COBL: variants seen among roughly 807,000 people sequenced by gnomAD.
The protein encoded by COBL is cordon-bleu WH2 repeat protein.
Under a neutral mutation model 98.8 loss-of-function variants are expected in COBL, and 51 were observed. The ratio of observed to expected loss-of-function variants is 0.52; its 90% CI spans 0.41 to 0.65. The LOEUF (loss-of-function observed/expected upper bound fraction) is 0.65, where lower values mean the gene tolerates loss of function less well. Ranked by LOEUF, COBL falls within the 30% of genes least tolerant of loss-of-function variation. The pLI, the probability that COBL is intolerant of heterozygous loss-of-function variation, is 0.00. For synonymous variants in COBL, 634 were observed against 651.7 expected, an observed-to-expected ratio of 0.97 and a Z score of 0.41; for missense variants, 1,617 against 1,617.5, an observed-to-expected ratio of 1.00 and a Z score of 0.01.
At chr7:51,295,565 T>C (rs140252750) in intron 1 of COBL, among the ~76,000 whole-genome samples, 1 of 152,240 alleles carries the variant, frequency 6.6e-6, no homozygotes, top group East Asian at 1.9e-4. Flanking sequence ...ACAACTACTT[T>C]GCAAGGATTG....
At chr7:51,057,785 G>A (rs2128906156) in intron 7 of COBL, among the ~76,000 whole-genome samples, 1 of 152,184 alleles carries the variant, frequency 6.6e-6, no homozygotes, top group East Asian at 1.9e-4. Context: ...TGAGATGCTG[G>A]GGCTCCAGCC....
At chr7:51,073,425 T>G (rs529807680) in intron 7 of COBL, 41 of 653,358 alleles carry the variant, frequency 6.3e-5, no homozygotes, top group Middle Eastern at 2.4e-4. Flanking sequence ...GAACGCACAC[T>G]TGCGGTGAAA....
chr7:51,311,484 T>C (rs773115556), intron 1 of COBL, among the ~76,000 whole-genome samples: 1 of 152,232 alleles, frequency 6.6e-6, no homozygotes, highest in African/African-American at 2.4e-5. Flanking sequence ...CTTGAAAGTA[T>C]TGACCATCCT....
In COBL at chr7:51,140,955, T is replaced by C. The variant is rs924374481; in HGVS notation, c.784-4624A>G. On this transcript the variant is annotated intron_variant, in intron 5 of 12. Coordinates refer to ENST00000265136, the MANE Select transcript of COBL (RefSeq NM_015198.5). ...CCCTTTGCCAAAATTCTTGAAGATA[T>C]CCTCACAGAGCTGCCTCACGAGCAC... 1.3e-5 allele frequency among the ~76,000 whole-genome samples: 2 copies of C among 151,994 alleles called. 1 individual carries two copies. The highest frequency in any genetic ancestry group is 2.9e-5 in the Non-Finnish European group (2 of 67,990).
At chr7:51,286,284 A>G (rs1800351295) in intron 1 of COBL, among the ~76,000 whole-genome samples, 1 of 151,386 alleles carries the variant, frequency 6.6e-6, no homozygotes, top group African/African-American at 2.4e-5. Context: ...AAAATTTTCT[A>G]CTCTTCCAAA....
chr7:51,219,388 C>A (rs1027992071), intron 2 of COBL, among the ~76,000 whole-genome samples: 1 of 152,164 alleles, frequency 6.6e-6, no homozygotes, highest in Non-Finnish European at 1.5e-5. Context: ...CCCTTCAGAG[C>A]TGAGGATACC....
At chr7:51,257,084 G>C (rs1357986059) in intron 1 of COBL, among the ~76,000 whole-genome samples, 1 of 152,148 alleles carries the variant, frequency 6.6e-6, no homozygotes, top group Non-Finnish European at 1.5e-5. Context: ...ATGAGGCTCT[G>C]AGCTTCCTAG....
rs1787853044 is a variant in COBL, at chr7:51,171,289, A to AATCAGGT, written c.783+12806_783+12812dup. 2.6e-5 allele frequency among the ~76,000 whole-genome samples: 4 copies of AATCAGGT among 152,188 alleles called. No individual in the cohort carries two copies. The South Asian group carries it at 8.3e-4, about 31-fold the overall frequency. On this transcript the variant is annotated intron_variant, in intron 5 of 12. Transcript: ENST00000265136. ...TATTGACAAATTTGAAAGATAATCT[A>AATCAGGT]ATCAGGTATCATTCAAGGATCATCA... is the stretch of plus-strand genomic sequence containing the variant.
At chr7:51,058,076 A>G (rs1790945768) in intron 7 of COBL, among the ~76,000 whole-genome samples, 1 of 152,234 alleles carries the variant, frequency 6.6e-6, no homozygotes, top group South Asian at 2.1e-4. Flanking sequence ...TCCCCAAGAT[A>G]ACCATGGTTT....
intron 2 of COBL, among the ~76,000 whole-genome samples, chr7:51,219,342 A>G (rs896585836): frequency 6.6e-6 from 1 of 152,150 alleles, no homozygotes; most frequent in Admixed American, 6.5e-5. Flanking sequence ...TAGGTGTGGG[A>G]ATGGTTAATT....
intron 12 of COBL, chr7:51,022,730 G>A (rs1787063238): frequency 1.3e-5 from 2 of 152,110 alleles, no homozygotes; most frequent in Non-Finnish European, 2.9e-5. Context: ...AGATGGAGAG[G>A]GTAAAAGAAA....
intron 7 of COBL, among the ~76,000 whole-genome samples, chr7:51,076,712 G>A (rs909856686): frequency 6.6e-6 from 1 of 152,212 alleles, no homozygotes; most frequent in East Asian, 1.9e-4. Context: ...CCCTTGTTGG[G>A]GGGGGTTGCT....
chr7:51,040,267 A>AACACAC (rs557914598), intron 8 of COBL, among the ~76,000 whole-genome samples: 1 of 150,122 alleles, frequency 6.7e-6, no homozygotes. Context: ...TCCCCTCAAA[A>AACACAC]ACACACACAC....
At chr7:51,121,633 A>T (rs576868084) in intron 6 of COBL, among the ~76,000 whole-genome samples, 1 of 152,334 alleles carries the variant, frequency 6.6e-6, no homozygotes, top group African/African-American at 2.4e-5. Flanking sequence ...TAAGTTCAAG[A>T]CGAGATGGTG....
intron 7 of COBL, among the ~76,000 whole-genome samples, chr7:51,078,817 A>G (rs1017012359): frequency 2.2e-4 from 33 of 152,286 alleles, no homozygotes; most frequent in African/African-American, 7.5e-4. Flanking sequence ...TAGGCTCATG[A>G]TCAGTGGACA....
intron 7 of COBL, chr7:51,065,332 T>C (rs1791806547): frequency 4.3e-6 from 3 of 703,332 alleles, no homozygotes; most frequent in Non-Finnish European, 7.8e-6. Flanking sequence ...GATTTCAGGA[T>C]TGTGTAGAGA....
At chr7:51,098,536 G>A (rs1795519234) in intron 6 of COBL, among the ~76,000 whole-genome samples, 1 of 152,102 alleles carries the variant, frequency 6.6e-6, no homozygotes, top group African/African-American at 2.4e-5. Context: ...AACAAATGGT[G>A]TTTGGAAAAT....
intron 6 of COBL, among the ~76,000 whole-genome samples, chr7:51,091,040 C>T (rs981796374): frequency 9.9e-5 from 15 of 152,188 alleles, no homozygotes; most frequent in African/African-American, 3.4e-4. Context: ...GCTGAGCTGA[C>T]TGACATGTTA....
chr7:51,136,184 G>C lies in COBL; in HGVS notation c.931C>G (p.Pro311Ala), dbSNP rs1394388987. The C allele has an allele frequency of 1.9e-6, 3 of 1,612,468 alleles. No individual in the cohort carries two copies. Among genetic ancestry groups the C allele is most frequent in the African/African-American group, 1.3e-5 (1 of 74,846 alleles). The change falls in exon 6 of 13, where the codon CCT becomes GCT. Residue 311 changes from proline (P) to alanine (A), a missense_variant. Physicochemically the swap from Pro to Ala is conservative, Grantham distance 27 (BLOSUM62 -1). Transcript: ENST00000265136. ...TTTTCCGATGCCTTGTCTTGCACAG[G>C]TGGCCCTGAACCTGGAGGAGGAGGG... ...RAPPPPGSGP[P>A]VQDKASEKVS...
Sources: allele counts gnomAD v4.1 joint callset (sites outside exome capture counted in the v4.1 genomes callset), GRCh38; gene constraint gnomAD v4.1.1; transcripts MANE v1.5; gene names NCBI Gene and HGNC (gene_info 2026-07-23, HGNC 2026-07-21).